Variants in CNBD2 observed in about 807,000 individuals in gnomAD.
CNBD2 encodes the protein cyclic nucleotide-binding domain-containing protein 2.
In CNBD2, 64 loss-of-function variants were observed where a neutral mutation model predicts 63.7. The ratio of observed to expected loss-of-function variants is 1.00; its 90% CI spans 0.82 to 1.24. The LOEUF is 1.24. CNBD2 is among the 50% of genes most tolerant of loss of function. The pLI, the probability that CNBD2 is intolerant of heterozygous loss-of-function variation, is 0.00. For missense variants in CNBD2, 691 were observed against 713.5 expected, an observed-to-expected ratio of 0.97 and a Z score of 0.36; for synonymous variants, 229 against 255.4, an observed-to-expected ratio of 0.90 and a Z score of 0.99.
chr20:36,023,604 T>G lies in CNBD2; in HGVS notation c.1272T>G (p.Gly424=), dbSNP rs1190590768. 8 of 1,591,694 alleles carry G rather than the reference T, an allele frequency of 5.0e-6. No individual in the cohort carries two copies. The African/African-American group carries it at 1.1e-4, about 22-fold the overall frequency. ...AACTTTCTGTGACTTCTCCCGAGGG[T>G]CTTCACCAGGCCTTCCTTCCAGAGG... ...VHTVEQGEIL[G]LHQAFLPEGE... Residue 424 remains glycine (G), a splice_region_variant and synonymous_variant, in exon 11 of 12, where the codon GGT becomes GGG. Coordinates refer to ENST00000373973, the MANE Select transcript of CNBD2 (RefSeq NM_001365709.1).
intron 10 of CNBD2, 127 bp from the exon 11 acceptor site, chr20:36,023,475 T>A: frequency 1.3e-6 from 1 of 793,328 alleles, no homozygotes; most frequent in South Asian, 2.2e-5. Context: ...TTTGGGCCAT[T>A]GCACTCCAGC....
intron 10 of CNBD2, among the ~76,000 whole-genome samples, chr20:36,022,649 G>T (rs1274884936): frequency 7.0e-6 from 1 of 143,800 alleles, no homozygotes; most frequent in Non-Finnish European, 1.5e-5. Flanking sequence ...TTACTTTTTT[G>T]GGATAGTCTC....
At chr20:36,000,336 T>C (rs755072030) in intron 8 of CNBD2, among the ~76,000 whole-genome samples, 5 of 152,218 alleles carry the variant, frequency 3.3e-5, no homozygotes, top group Non-Finnish European at 5.9e-5. Context: ...CATATTTTTA[T>C]TTATTGTTTT....
chr20:36,000,789 T>G (rs1455744808), intron 8 of CNBD2, among the ~76,000 whole-genome samples: 1 of 144,186 alleles, frequency 6.9e-6, no homozygotes, highest in African/African-American at 2.7e-5. Flanking sequence ...TTCTTGGGTG[T>G]TTCTCGCAGA....
At chr20:35,987,307 G>T (rs1213156704) in intron 6 of CNBD2, 88 bp from the exon 7 acceptor site, 2 of 1,468,398 alleles carry the variant, frequency 1.4e-6, no homozygotes, top group African/African-American at 1.4e-5. Flanking sequence ...ATCCTCCACA[G>T]GAGAAGAGTA....
intron 6 of CNBD2, 51 bp downstream of exon 6, chr20:35,984,829 G>T: frequency 6.3e-7 from 1 of 1,586,248 alleles, no homozygotes; most frequent in Non-Finnish European, 8.6e-7. Context: ...TTTATTAGCT[G>T]CCTGACTTTG....
At chr20:35,992,242 T>G (rs1341811327) in intron 7 of CNBD2, among the ~76,000 whole-genome samples, 1 of 152,090 alleles carries the variant, frequency 6.6e-6, no homozygotes, top group Non-Finnish European at 1.5e-5. Context: ...TCCAAAACTC[T>G]AGGAGGAAGG....
Position 35,968,666 on chromosome 20 carries a change from A to C in CNBD2, c.-97A>C, listed in dbSNP as rs572679811. 21 of 853,666 alleles carry C rather than the reference A, an allele frequency of 2.5e-5. No homozygotes were observed. In the South Asian group the frequency reaches 3.0e-4, roughly 12 times the overall value. 52.9% of individuals were successfully genotyped at this position (853,666 alleles called of 1,614,324 possible). On this transcript the variant is annotated 5_prime_UTR_variant, in exon 1 of 12. Coordinates refer to ENST00000373973, the MANE Select transcript of CNBD2 (RefSeq NM_001365709.1). ...TCTTGCCTTGTTACTGAGGAAATCT[A>C]TTTGTTTCTAGTATTACTGGATTTT...
At chr20:35,989,930 A>G (rs2056722392) in intron 7 of CNBD2, among the ~76,000 whole-genome samples, 1 of 151,868 alleles carries the variant, frequency 6.6e-6, no homozygotes, top group Non-Finnish European at 1.5e-5. Context: ...GGAAGGAAAG[A>G]AGAAAGGAAG....
intron 2 of CNBD2, among the ~76,000 whole-genome samples, chr20:35,975,358 T>C (rs1421340445): frequency 8.5e-6 from 1 of 117,338 alleles, no homozygotes; most frequent in African/African-American, 3.4e-5. Flanking sequence ...TGGAGTGCAG[T>C]GGCGCGATCT....
upstream of CNBD2, chr20:35,954,476 G>A (rs1568832156): frequency 3.2e-6 from 5 of 1,546,708 alleles, no homozygotes; most frequent in Non-Finnish European, 4.4e-6. Flanking sequence ...TGCGGCAGCC[G>A]GAAGCGAAAG....
chr20:35,987,361 G>A lies in CNBD2; in HGVS notation c.717-34G>A, dbSNP rs778574295. 4 of 1,612,754 alleles carry A rather than the reference G, an allele frequency of 2.5e-6. 1 individual carries two copies. In the East Asian group the frequency reaches 6.7e-5, roughly 27 times the overall value. On this transcript the variant is annotated intron_variant, in intron 6 of 11. Transcript: ENST00000373973. Reference sequence around the variant, plus strand: ...CTAAGGTCTGGGCACCTTGTGTGATGGAGTTGATGAATTCTAACAGGCTCT... The same window carrying A: ...CTAAGGTCTGGGCACCTTGTGTGATAGAGTTGATGAATTCTAACAGGCTCT...
chr20:36,027,421 A>G (rs550016480), intron 11 of CNBD2, among the ~76,000 whole-genome samples: 1 of 152,368 alleles, frequency 6.6e-6, no homozygotes, highest in African/African-American at 2.4e-5. Context: ...TCCAATCAGC[A>G]AAACAAGAAA....
At chr20:35,982,878 A>G (rs1387450894) in intron 4 of CNBD2, among the ~76,000 whole-genome samples, 1 of 151,886 alleles carries the variant, frequency 6.6e-6, no homozygotes, top group African/African-American at 2.4e-5. Flanking sequence ...ACATTTGGCT[A>G]ATCTTTGCAT....
intron 10 of CNBD2, among the ~76,000 whole-genome samples, chr20:36,020,389 A>G (rs1194132414): frequency 1.3e-5 from 2 of 152,150 alleles, no homozygotes; most frequent in Non-Finnish European, 2.9e-5. Context: ...CCGATGTTGG[A>G]CAATTTTCTT....
chr20:35,988,080 G>A (rs1253491158), intron 7 of CNBD2, among the ~76,000 whole-genome samples: 1 of 152,120 alleles, frequency 6.6e-6, no homozygotes, highest in East Asian at 1.9e-4. Flanking sequence ...ATGTTGGACA[G>A]GCTGGTGTCG....
rs549704772 is a variant in CNBD2 at position 35,982,112 on chromosome 20, C to A, written c.407+1490C>A. 3.3e-5 allele frequency among the ~76,000 whole-genome samples: 5 copies of A among 152,258 alleles called. No homozygotes were observed. In the East Asian group the frequency reaches 7.7e-4, roughly 24 times the overall value. On this transcript the variant is annotated intron_variant, in intron 4 of 11. Coordinates refer to ENST00000373973, the MANE Select transcript of CNBD2 (RefSeq NM_001365709.1). ...CCTGAGCAGGGTGTTGGTTCCCCTGCTGCTGGTCAAGCCAGCGAGTCAGGA... is the reference window on the plus strand; with the variant it reads ...CCTGAGCAGGGTGTTGGTTCCCCTGATGCTGGTCAAGCCAGCGAGTCAGGA...
chr20:36,022,217 T>TTTTTTTG (rs561441076), intron 10 of CNBD2, among the ~76,000 whole-genome samples: 16,643 of 105,640 alleles, frequency 0.16, 2,021 homozygotes, highest in African/African-American at 0.37. Context: ...TTTTTTTTTT[T>TTTTTTTG]GAGATGGAGT....
chr20:35,957,017 ATTATC>A (rs2056263019), downstream of CNBD2, among the ~76,000 whole-genome samples: 8 of 152,106 alleles, frequency 5.3e-5, no homozygotes, highest in South Asian at 1.7e-3. Context: ...AAATTTAGTT[ATTATC>A]TTCTTGTGAA....
Sources: gnomAD v4.1 joint callset for allele counts (sites outside exome capture counted in the v4.1 genomes callset) on GRCh38, gnomAD v4.1.1 for gene constraint, MANE v1.5 for transcripts, NCBI Gene and HGNC (gene_info 2026-07-23, HGNC 2026-07-21) for gene names.